Variants in SI observed in about 807,000 individuals in gnomAD.
SI encodes the protein sucrase-isomaltase, also known as sucrase-isomaltase, intestinal.
Under a neutral mutation model 253.3 loss-of-function variants are expected in SI, and 235 were observed. The observed-to-expected ratio is 0.93, with a 90% CI of 0.83 to 1.03. The LOEUF is 1.03. SI is among the 50% of genes least tolerant of loss of function. The pLI is 0.00. For synonymous variants in SI, 819 were observed against 712.0 expected (o/e 1.15, Z -2.39); for missense variants, 2,442 against 2,211.1 (o/e 1.10, Z -2.09).
At chr3:165,082,234 T>C (rs1484108895), upstream of SI, among the ~76,000 whole-genome samples, 1 of 151,938 alleles carries the variant, frequency 6.6e-6, no homozygotes, top group East Asian at 1.9e-4. Flanking sequence ...TTTAATTCCT[T>C]TTTGTTAAGC....
At chr3:165,077,332 T>C (rs1715063271) in intron 1 of SI, among the ~76,000 whole-genome samples, 1 of 151,648 alleles carries the variant, frequency 6.6e-6, no homozygotes, top group Non-Finnish European at 1.5e-5. Flanking sequence ...CTTTCTTCAT[T>C]TACCATAGCA....
chr3:165,016,174 A>T (rs946245188), intron 31 of SI, 94 bp from the exon 32 acceptor site: 8 of 1,127,904 alleles, frequency 7.1e-6, no homozygotes, highest in African/African-American at 6.1e-5. Flanking sequence ...CAGCAATATG[A>T]AAGTTTGAGT....
intron 3 of SI, among the ~76,000 whole-genome samples, chr3:165,070,946 G>T (rs1398482224): frequency 2.0e-5 from 3 of 151,902 alleles, no homozygotes; most frequent in Non-Finnish European, 4.4e-5. Flanking sequence ...GTGGCTCCTG[G>T]CAATCCTTGG....
chr3:165,059,894 C>A lies in SI; in HGVS notation c.1146+8G>T. ...TATATATTCCCACGGACCCTTTATT[C>A]TACTTACAAATGGTATGCCAGCTTC... is the stretch of plus-strand genomic sequence containing the variant. On this transcript the variant is annotated splice_region_variant and intron_variant, in intron 10 of 47. Transcript: ENST00000264382. 6.2e-7 allele frequency: 1 copy of A among 1,610,370 alleles called. No homozygotes were observed.
chr3:165,087,524 G>A, the SI span, among the ~76,000 whole-genome samples: 85 of 152,254 alleles, frequency 5.6e-4, no homozygotes, highest in African/African-American at 2.0e-3. Context: ...ATCTTAAGGA[G>A]ATTCTATAGA....
At position 165,015,067 on chromosome 3, in the gene SI, C is replaced by G. The variant is rs1355395420; in HGVS notation, c.3999+56G>C. On this transcript the variant is annotated intron_variant, in intron 33 of 47. Transcript: ENST00000264382. ...TTAACTTTTACTAATTAAATGGAAA[C>G]TTTCATTGAAATATAATTTTTGTAT... 2.9e-5 allele frequency: 39 copies of G among 1,353,150 alleles called. No individual in the cohort carries two copies. The South Asian group carries it at 3.7e-4, about 13-fold the overall frequency. The allele number at this position is 1,353,150 out of a possible 1,614,324, so 83.8% of individuals were successfully genotyped here. A position where few individuals can be genotyped will look rare whatever the true frequency, so the allele number is the denominator to read the frequency against.
chr3:164,998,467 G>A lies in SI; in HGVS notation c.4540+73C>T, dbSNP rs1287349751. On this transcript the variant is annotated intron_variant, in intron 38 of 47. Transcript: ENST00000264382. Reference sequence around the variant, plus strand: ...AATTCTGAGGACTTATAAATGTTATGACCTAGCACCAGCAAAAGTGAGTAT... The same window carrying A: ...AATTCTGAGGACTTATAAATGTTATAACCTAGCACCAGCAAAAGTGAGTAT... 4 of 1,477,300 alleles carry A rather than the reference G, an allele frequency of 2.7e-6. No individual in the cohort carries two copies. In the East Asian group the frequency reaches 9.1e-5, roughly 34 times the overall value. 91.5% of individuals were successfully genotyped at this position (1,477,300 alleles called of 1,614,324 possible).
chr3:165,009,143 A>G, intron 35 of SI, 136 bp downstream of exon 35: 2 of 644,222 alleles, frequency 3.1e-6, no homozygotes, highest in Non-Finnish European at 5.6e-6. Flanking sequence ...TTTGTGTAAG[A>G]AAGTTCTGTG....
intron 24 of SI, among the ~76,000 whole-genome samples, chr3:165,031,773 TG>T (rs1272149424): frequency 9.3e-5 from 14 of 151,074 alleles, no homozygotes; most frequent in African/African-American, 3.4e-4. Flanking sequence ...ATTGCTTTCG[TG>T]TTTTTAAATA....
intron 19 of SI, among the ~76,000 whole-genome samples, chr3:165,039,647 A>C (rs1324130852): frequency 1.3e-5 from 2 of 151,578 alleles, no homozygotes; most frequent in Non-Finnish European, 2.9e-5. Flanking sequence ...TTTTTTCAGG[A>C]GAAAAATAAC....
chr3:165,062,684 T>C (rs1236566588), intron 8 of SI, among the ~76,000 whole-genome samples: 1 of 152,066 alleles, frequency 6.6e-6, no homozygotes, highest in African/African-American at 2.4e-5. Flanking sequence ...TATAATAAAA[T>C]ATCCCAGCTA....
chr3:165,038,803 C>T (rs1274720510), intron 20 of SI, among the ~76,000 whole-genome samples: 1 of 151,938 alleles, frequency 6.6e-6, no homozygotes, highest in Non-Finnish European at 1.5e-5. Flanking sequence ...TAAATTACTG[C>T]TAACCTTTTA....
chr3:165,085,351 G>T, the SI span, among the ~76,000 whole-genome samples: 15 of 152,120 alleles, frequency 9.9e-5, no homozygotes, highest in African/African-American at 3.6e-4. Context: ...TCTCCAAGAC[G>T]TGGACCTTTC....
At position 164,984,097 on chromosome 3, in the gene SI, T is replaced by G. The variant is rs1717325871; in HGVS notation, c.5198-1046A>C. 2.6e-5 allele frequency among the ~76,000 whole-genome samples: 4 copies of G among 152,218 alleles called. No individual in the cohort carries two copies. In the South Asian group the frequency reaches 8.3e-4, roughly 32 times the overall value. On this transcript the variant is annotated intron_variant, in intron 45 of 47. Coordinates refer to ENST00000264382, the MANE Select transcript of SI (RefSeq NM_001041.4). ...GCCAAAAGTAAAAAAACAAAAAAGCTAATTACTGTCAATGTCTGGAATCAA... is the reference window on the plus strand; with the variant it reads ...GCCAAAAGTAAAAAAACAAAAAAGCGAATTACTGTCAATGTCTGGAATCAA...
intron 27 of SI, among the ~76,000 whole-genome samples, chr3:165,020,483 A>G (rs922509474): frequency 1.3e-5 from 2 of 151,704 alleles, no homozygotes; most frequent in African/African-American, 2.4e-5. Flanking sequence ...TCAAATGACA[A>G]TAAATAATGC....
intron 25 of SI, 98 bp downstream of exon 25, chr3:165,030,614 G>A (rs886630526): frequency 5.4e-5 from 69 of 1,269,024 alleles, no homozygotes; most frequent in Middle Eastern, 5.4e-4. Flanking sequence ...CTTGAATTTA[G>A]TTTATATGCT....
chr3:165,086,138 C>A, the SI span, among the ~76,000 whole-genome samples: 5 of 151,980 alleles, frequency 3.3e-5, no homozygotes, highest in African/African-American at 1.2e-4. Context: ...CCTGTAATCC[C>A]AGCTACTTGG....
At chr3:165,049,321 T>C in intron 14 of SI, 77 bp from the exon 15 acceptor site, 1 of 841,748 alleles carries the variant, frequency 1.2e-6, no homozygotes, top group Admixed American at 2.0e-5. Context: ...ATAAATGTCA[T>C]ATTCCTTTTC....
intron 15 of SI, among the ~76,000 whole-genome samples, chr3:165,047,431 C>G (rs1393444632): frequency 5.3e-5 from 8 of 152,186 alleles, no homozygotes; most frequent in Middle Eastern, 3.4e-3. Context: ...ATTGCCCAGT[C>G]TCAGGTATGT....
Sources: gnomAD v4.1 joint callset for allele counts (sites outside exome capture counted in the v4.1 genomes callset) on GRCh38, gnomAD v4.1.1 for gene constraint, MANE v1.5 for transcripts, NCBI Gene and HGNC (gene_info 2026-07-23, HGNC 2026-07-21) for gene names.